SECISBP2: variants seen among roughly 807,000 people sequenced by gnomAD.
The protein encoded by SECISBP2 is SECIS binding protein 2, also known as selenocysteine insertion sequence-binding protein 2.
In SECISBP2, 96 loss-of-function variants were observed where a neutral mutation model predicts 98.2. That is an observed-to-expected ratio of 0.98 (90% CI 0.83 to 1.16). SECISBP2 has a LOEUF of 1.16. Ranked by LOEUF, SECISBP2 falls within the 50% of genes most tolerant of loss-of-function variation. The pLI is 0.00. For missense variants in SECISBP2, 1,046 were observed against 1,022.9 expected (o/e 1.02, Z -0.31); for synonymous variants, 407 against 370.2 (o/e 1.10, Z -1.14).
At chr9:89,327,253 T>C (rs1192092721) in intron 4 of SECISBP2, among the ~76,000 whole-genome samples, 2 of 152,176 alleles carry the variant, frequency 1.3e-5, no homozygotes, top group Non-Finnish European at 2.9e-5. Flanking sequence ...CTCTGGGTGA[T>C]TCGATGACTG....
chr9:89,366,812 C>T, the SECISBP2 span, among the ~76,000 whole-genome samples: 1 of 152,130 alleles, frequency 6.6e-6, no homozygotes. Context: ...TATAAAAGCC[C>T]GGTCTCCTCC....
chr9:89,358,503 C>G (rs1477064186), intron 16 of SECISBP2, among the ~76,000 whole-genome samples: 1 of 152,186 alleles, frequency 6.6e-6, no homozygotes, highest in African/African-American at 2.4e-5. Flanking sequence ...AAGGCCCCAG[C>G]TGCCCTATAG....
Position 89,334,661 on chromosome 9 carries a change from A to G in SECISBP2, c.1020A>G (p.Pro340=). The change falls in exon 7 of 17, where the codon CCA becomes CCG. Residue 340 remains proline (P), a synonymous_variant. Coordinates refer to ENST00000375807, the MANE Select transcript of SECISBP2 (RefSeq NM_024077.5). ...CAGATCCTAAAAATGTTAGTATACC[A>G]TCTTCTGAAGCTTTATCTTCGGATC... ...SSADPKNVSI[P]SSEALSSDPS... The G allele has an allele frequency of 1.4e-5, 22 of 1,614,154 alleles. No homozygotes were observed. The highest frequency in any genetic ancestry group is 3.3e-5 in the Admixed American group (2 of 60,022).
chr9:89,332,540 C>T (rs1350790712), intron 5 of SECISBP2: 4 of 280,560 alleles, frequency 1.4e-5, no homozygotes, highest in Non-Finnish European at 2.1e-5. Flanking sequence ...TTTGTCTTTT[C>T]TAGAATGTCA....
At chr9:89,361,567 AAGC>A (rs1416745642), downstream of SECISBP2, 9 of 152,218 alleles carry the variant, frequency 5.9e-5, no homozygotes, top group African/African-American at 2.2e-4. Flanking sequence ...AGAGACTTGA[AAGC>A]AGGTAGAACA....
At chr9:89,363,474 C>T (rs779970652), downstream of SECISBP2, 27 of 1,613,976 alleles carry the variant, frequency 1.7e-5, no homozygotes, top group South Asian at 2.9e-4. Context: ...TGCTCCCCAG[C>T]CACAGCCCTC....
chr9:89,355,277 C>T (rs752853839), intron 14 of SECISBP2: 13 of 985,388 alleles, frequency 1.3e-5, no homozygotes, highest in Non-Finnish European at 1.3e-5. Context: ...GGGTGAGTAT[C>T]CTGTAGGCCA....
At chr9:89,364,197 G>A (rs552174355), downstream of SECISBP2, 3 of 684,782 alleles carry the variant, frequency 4.4e-6, no homozygotes, top group South Asian at 3.8e-5. Flanking sequence ...AAGCACACCT[G>A]TGTGGCCTGT....
chr9:89,334,783 G>A (rs1368482229), intron 7 of SECISBP2, 53 bp downstream of exon 7: 2 of 1,340,418 alleles, frequency 1.5e-6, no homozygotes, highest in African/African-American at 1.4e-5. Context: ...GGGCTCAGTA[G>A]AGTGGGGAAT....
rs774197605 is a variant in SECISBP2 at position 89,334,731 on chromosome 9, G to T, written c.1089+1G>T. 2.5e-6 allele frequency: 4 copies of T among 1,609,646 alleles called. No homozygotes were observed. Among genetic ancestry groups the T allele is most frequent in the East Asian group, 2.2e-5 (1 of 44,830 alleles). ...ACACATTATTCATCCTACCCAAAAG[G>T]TACGTGTCACTAGAGACAGAAAGTA... On this transcript the variant is annotated splice_donor_variant, in intron 7 of 16. Transcript: ENST00000375807. LOFTEE classifies it high-confidence loss of function.
intron 4 of SECISBP2, among the ~76,000 whole-genome samples, chr9:89,327,853 C>T (rs1178440585): frequency 2.7e-5 from 4 of 149,752 alleles, no homozygotes; most frequent in African/African-American, 4.9e-5. Context: ...CTGTGTTACA[C>T]AGGCTGGAGT....
downstream of SECISBP2, chr9:89,361,364 A>ACACT (rs1217383205): frequency 1.3e-5 from 2 of 152,352 alleles, no homozygotes; most frequent in African/African-American, 4.8e-5. Context: ...TGCTGGGAAG[A>ACACT]CACTCAGTAT....
chr9:89,353,418 A>G (rs1367727745), intron 14 of SECISBP2, among the ~76,000 whole-genome samples: 2 of 152,058 alleles, frequency 1.3e-5, no homozygotes, highest in Non-Finnish European at 2.9e-5. Context: ...TCTCACCACC[A>G]TTAGATGTGT....
intron 14 of SECISBP2, 172 bp from the exon 15 acceptor site, chr9:89,357,239 T>C: frequency 1.4e-6 from 1 of 707,024 alleles, no homozygotes; most frequent in South Asian, 1.6e-5. Context: ...TTCCCCATAT[T>C]TTTGGAGAGT....
chr9:89,331,203 G>A (rs960812407), intron 5 of SECISBP2, among the ~76,000 whole-genome samples: 1 of 152,072 alleles, frequency 6.6e-6, no homozygotes, highest in Non-Finnish European at 1.5e-5. Flanking sequence ...ACAGTCTTAC[G>A]TTTGAATTGT....
At chr9:89,322,507 T>G (rs1221081442) in intron 2 of SECISBP2, 2 of 152,242 alleles carry the variant, frequency 1.3e-5, no homozygotes, top group Non-Finnish European at 2.9e-5. Flanking sequence ...AAGCTAGGAA[T>G]GTTTGTTCAT....
In SECISBP2 at chr9:89,334,572, G is replaced by A; in HGVS notation, c.931G>A (p.Glu311Lys). 1 of 1,614,136 alleles carries A rather than the reference G, an allele frequency of 6.2e-7. No homozygotes were observed. Among genetic ancestry groups the A allele is most frequent in the Non-Finnish European group, 8.5e-7 (1 of 1,180,010 alleles). Residue 311 changes from glutamate to lysine, a missense_variant, in exon 7 of 17, where the codon GAA becomes AAA. Coordinates refer to ENST00000375807, the MANE Select transcript of SECISBP2 (RefSeq NM_024077.5). ...GYVVRQTLST[E>K]LSAAPKNVTS... ...TGTTGTTCGACAGACATTATCTACAGAACTGTCAGCAGCCCCTAAAAATGT... is the reference window on the plus strand; with the variant it reads ...TGTTGTTCGACAGACATTATCTACAAAACTGTCAGCAGCCCCTAAAAATGT...
downstream of SECISBP2, chr9:89,362,505 T>A (rs923095084): frequency 6.2e-7 from 1 of 1,613,140 alleles, no homozygotes; most frequent in African/African-American, 1.3e-5. Context: ...GTCTGTCTCA[T>A]AGCCCATCCC....
At position 89,325,695 on chromosome 9, in the gene SECISBP2, T is replaced by C. The variant is rs1168555180; in HGVS notation, c.432+19T>C. ...GTTTAAGGTGAGTAGTGATGTTGTT[T>C]TGTTGTGTCCTTTAGTTGGTTGCTT... On this transcript the variant is annotated intron_variant, in intron 3 of 16. Coordinates refer to ENST00000375807, the MANE Select transcript of SECISBP2 (RefSeq NM_024077.5). The C allele has an allele frequency of 1.2e-6, 2 of 1,613,814 alleles. No homozygotes were observed. Among genetic ancestry groups the C allele is most frequent in the Non-Finnish European group, 1.7e-6 (2 of 1,180,024 alleles).
Sources: gnomAD v4.1 joint callset for allele counts (sites outside exome capture counted in the v4.1 genomes callset) on GRCh38, gnomAD v4.1.1 for gene constraint, MANE v1.5 for transcripts, NCBI Gene and HGNC (gene_info 2026-07-23, HGNC 2026-07-21) for gene names.